Variants in PCBD2 observed in about 807,000 individuals in gnomAD.
PCBD2 encodes pterin-4-alpha-carbinolamine dehydratase 2.
PCBD2 carries 12 observed loss-of-function variants against 16.4 expected under a neutral mutation model. The observed-to-expected ratio is 0.73, with a 90% CI of 0.47 to 1.19. The LOEUF (loss-of-function observed/expected upper bound fraction) is 1.19. PCBD2 is among the 50% of genes most tolerant of loss of function. The pLI is 0.00. For synonymous variants in PCBD2, 58 were observed against 61.8 expected (o/e 0.94, Z 0.29); for missense variants, 138 against 156.8 (o/e 0.88, Z 0.64).
At chr5:134,932,578 G>A (rs921321465) in intron 2 of PCBD2, among the ~76,000 whole-genome samples, 7 of 152,106 alleles carry the variant, frequency 4.6e-5, no homozygotes, top group African/African-American at 1.7e-4. Flanking sequence ...CTGACCTCAA[G>A]TGATCCCCCC....
At chr5:134,927,180 A>G (rs1044352507) in intron 2 of PCBD2, 13 of 398,578 alleles carry the variant, frequency 3.3e-5, no homozygotes, top group Admixed American at 2.6e-4. Context: ...AGAGTATGCA[A>G]TGAGCGATTT....
chr5:134,916,868 A>G (rs142230246), intron 2 of PCBD2, among the ~76,000 whole-genome samples: 34 of 152,362 alleles, frequency 2.2e-4, no homozygotes, highest in African/African-American at 8.2e-4. Flanking sequence ...GGTGACAGAC[A>G]GTGACTCTGT....
At chr5:134,944,278 G>A (rs781728963) in intron 2 of PCBD2, among the ~76,000 whole-genome samples, 1 of 152,152 alleles carries the variant, frequency 6.6e-6, no homozygotes, top group African/African-American at 2.4e-5. Flanking sequence ...GAGAAACTTT[G>A]CAATTTGAAA....
intron 2 of PCBD2, among the ~76,000 whole-genome samples, chr5:134,918,633 G>A (rs1750863056): frequency 6.6e-6 from 1 of 152,242 alleles, no homozygotes; most frequent in African/African-American, 2.4e-5. Flanking sequence ...TTTAACATGT[G>A]CTCATGATTG....
chr5:134,922,361 T>A (rs889483591), intron 2 of PCBD2, among the ~76,000 whole-genome samples: 27 of 152,140 alleles, frequency 1.8e-4, no homozygotes, highest in Admixed American at 1.6e-3. Flanking sequence ...TTCAGTTCTT[T>A]TCTTCCTTTA....
intron 2 of PCBD2, among the ~76,000 whole-genome samples, chr5:134,956,906 A>G (rs1484732306): frequency 6.6e-6 from 1 of 152,234 alleles, no homozygotes; most frequent in Non-Finnish European, 1.5e-5. Context: ...TATATACCTT[A>G]TCTCATTGTT....
At chr5:134,920,938 A>T (rs10065218) in intron 2 of PCBD2, among the ~76,000 whole-genome samples, 140,592 of 152,360 alleles carry the variant, frequency 0.92, 65,029 homozygotes, top group East Asian at 1. Flanking sequence ...AGTGTTGGGA[A>T]TACAGGCGTT....
chr5:134,940,394 C>G (rs977991154), intron 2 of PCBD2, among the ~76,000 whole-genome samples: 2 of 152,056 alleles, frequency 1.3e-5, no homozygotes, highest in African/African-American at 4.8e-5. Flanking sequence ...TTATTTCTGA[C>G]CTTGTGCCCA....
intron 3 of PCBD2, among the ~76,000 whole-genome samples, chr5:134,959,347 A>G (rs1240271661): frequency 6.6e-6 from 1 of 152,230 alleles, no homozygotes; most frequent in Non-Finnish European, 1.5e-5. Context: ...TGAAGCTAAT[A>G]TGAGAAAGTT....
Position 134,905,221 on chromosome 5 carries a change from A to G in PCBD2, c.82A>G (p.Met28Val), listed in dbSNP as rs1339308793. Residue 28 changes from methionine (M) to valine (V), a missense_variant and splice_region_variant, in exon 1 of 4, where the codon ATG becomes GTG. Transcript: ENST00000254908. ...LRGQSLGLAA[M>V]SSGTHRLTAE... ...AGGCCAGAGCCTAGGGCTAGCGGCC[A>G]TGGTGAGTGCACAGCGGCCGCGTGG... 7.5e-6 allele frequency: 9 copies of G among 1,198,162 alleles called. No individual in the cohort carries two copies. Among genetic ancestry groups the G allele is most frequent in the East Asian group, 6.8e-5 (2 of 29,294 alleles). The allele number at this position is 1,198,162 out of a possible 1,614,324, so 74.2% of individuals were successfully genotyped here. A position where few individuals can be genotyped will look rare whatever the true frequency, so the allele number is the denominator to read the frequency against.
At chr5:134,937,042 A>C (rs1265183321) in intron 2 of PCBD2, among the ~76,000 whole-genome samples, 1 of 152,262 alleles carries the variant, frequency 6.6e-6, no homozygotes, top group East Asian at 1.9e-4. Context: ...TTGACTTAAA[A>C]GGCAATGTTT....
chr5:134,911,430 G>A (rs1157503215), intron 2 of PCBD2, among the ~76,000 whole-genome samples: 2 of 152,124 alleles, frequency 1.3e-5, no homozygotes, highest in Admixed American at 6.5e-5. Context: ...ATTTGTAAAA[G>A]GTAAATGCTT....
intron 2 of PCBD2, among the ~76,000 whole-genome samples, chr5:134,933,465 G>A (rs1449524877): frequency 6.6e-6 from 1 of 152,028 alleles, no homozygotes; most frequent in Non-Finnish European, 1.5e-5. Context: ...TGAACTCCTG[G>A]GTTCAAGCAG....
At chr5:134,932,168 AT>A (rs768136160) in intron 2 of PCBD2, among the ~76,000 whole-genome samples, 54 of 151,616 alleles carry the variant, frequency 3.6e-4, no homozygotes, top group African/African-American at 1.0e-3. Flanking sequence ...TCTTTAAACA[AT>A]TTTTTTTTGT....
At chr5:134,932,945 A>G (rs1317517796) in intron 2 of PCBD2, among the ~76,000 whole-genome samples, 1 of 152,180 alleles carries the variant, frequency 6.6e-6, no homozygotes, top group Admixed American at 6.5e-5. Context: ...CTCTCATTCT[A>G]ATAGGAATGA....
Position 134,914,658 on chromosome 5 carries a change from G to A in PCBD2, c.216+4192G>A, listed in dbSNP as rs192759725. Among the ~76,000 whole-genome samples, 450 of 151,880 alleles carry A rather than the reference G, an allele frequency of 3.0e-3. 1 individual carries two copies. Among genetic ancestry groups the A allele is most frequent in the Non-Finnish European group, 5.1e-3 (346 of 67,944 alleles). On this transcript the variant is annotated intron_variant, in intron 2 of 3. Coordinates refer to ENST00000254908, the MANE Select transcript of PCBD2 (RefSeq NM_032151.5). Reference sequence around the variant, plus strand: ...GAGGTGATAGTGATGAGCTGAGAGTGTCATTTGACATCATCTATTTTTTTT... The same window carrying A: ...GAGGTGATAGTGATGAGCTGAGAGTATCATTTGACATCATCTATTTTTTTT...
At chr5:134,907,737 C>T (rs1412276249) in intron 1 of PCBD2, among the ~76,000 whole-genome samples, 1 of 151,212 alleles carries the variant, frequency 6.6e-6, no homozygotes, top group African/African-American at 2.4e-5. Context: ...ATTCTCCTTC[C>T]TCAGCCTCCT....
At chr5:134,933,163 AT>A (rs890331551) in intron 2 of PCBD2, among the ~76,000 whole-genome samples, 1 of 152,198 alleles carries the variant, frequency 6.6e-6, no homozygotes, top group African/African-American at 2.4e-5. Context: ...TATTATAGAT[AT>A]TTTTGGTCAG....
intron 1 of PCBD2, among the ~76,000 whole-genome samples, chr5:134,907,198 C>A (rs1472414690): frequency 6.6e-6 from 1 of 152,256 alleles, no homozygotes; most frequent in Non-Finnish European, 1.5e-5. Flanking sequence ...TGTTTCTTTT[C>A]CAAAATTCTC....
Sources: allele counts gnomAD v4.1 joint callset (sites outside exome capture counted in the v4.1 genomes callset), GRCh38; gene constraint gnomAD v4.1.1; transcripts MANE v1.5; gene names NCBI Gene and HGNC (gene_info 2026-07-23, HGNC 2026-07-21).